SPACA6: variants seen among roughly 807,000 people sequenced by gnomAD.
SPACA6 encodes the protein sperm acrosome associated 6, also known as sperm acrosome membrane-associated protein 6.
For synonymous variants in SPACA6, 6 were observed against 1.5 expected, an observed-to-expected ratio of 4.05 and a Z score of -2.21; for missense variants, 8 against 2.8, an observed-to-expected ratio of 2.88 and a Z score of -1.34.
upstream of SPACA6, among the ~76,000 whole-genome samples, chr19:51,692,210 G>A (rs1173449479): frequency 6.6e-6 from 1 of 152,080 alleles, no homozygotes; most frequent in East Asian, 1.9e-4. The surrounding 1 kb of genome is among the most constrained non-coding windows in gnomAD (Gnocchi z 5.6). Context: ...GTGCCCAAAG[G>A]GCCAAATTAC....
chr19:51,694,076 C>CAG (rs10689461), intron 1 of SPACA6: 104,004 of 251,232 alleles, frequency 0.41, 25,665 homozygotes, highest in East Asian at 0.9. Context: ...GATGGACACT[C>CAG]GGGAGGATGG....
Position 51,698,307 on chromosome 19 carries a change from C to G in SPACA6, c.293-3351C>G, listed in dbSNP as rs576657726. Among the ~76,000 whole-genome samples the G allele has an allele frequency of 4.9e-4, 74 of 152,242 alleles. 1 individual carries two copies. Among genetic ancestry groups the G allele is most frequent in the African/African-American group, 1.6e-3 (65 of 41,548 alleles). On this transcript the variant is annotated intron_variant, in intron 2 of 8. Coordinates refer to ENST00000637797, the MANE Select transcript of SPACA6 (RefSeq NM_001316972.2). ...CGATATGCAACTCCTCTGGGGGAGA[C>G]TTTACAACACCCACCCATGCCGCCT... is the stretch of plus-strand genomic sequence containing the variant.
upstream of SPACA6, chr19:51,688,260 C>G (rs1397780783): frequency 6.5e-6 from 1 of 152,772 alleles, no homozygotes; most frequent in Non-Finnish European, 1.5e-5. Flanking sequence ...CTCCCAGCAC[C>G]TCCTTGGTTT....
chr19:51,690,253 C>A (rs1211031878), upstream of SPACA6, among the ~76,000 whole-genome samples: 1 of 151,708 alleles, frequency 6.6e-6, no homozygotes, highest in Non-Finnish European at 1.5e-5. Context: ...GGAGTCTGAG[C>A]CCCCAGTCTG....
chr19:51,700,580 C>T (rs963727461), intron 2 of SPACA6, among the ~76,000 whole-genome samples: 22 of 152,160 alleles, frequency 1.4e-4, no homozygotes, highest in African/African-American at 4.3e-4. Flanking sequence ...CATAGGCCAC[C>T]AGCTGGGGTC....
At chr19:51,684,697 T>C (rs543831095), upstream of SPACA6, among the ~76,000 whole-genome samples, 4 of 152,224 alleles carry the variant, frequency 2.6e-5, no homozygotes, top group East Asian at 5.8e-4. Context: ...ACACTAATGA[T>C]AGCTGATGAG....
At chr19:51,694,013 A>T (rs1228771540) in intron 1 of SPACA6, 5 of 299,758 alleles carry the variant, frequency 1.7e-5, no homozygotes, top group Middle Eastern at 8.4e-4. Context: ...AGAGAGGAAG[A>T]TGGAGACTCG....
intron 2 of SPACA6, among the ~76,000 whole-genome samples, chr19:51,695,253 G>A (rs1188977969): frequency 1.3e-5 from 2 of 152,192 alleles, no homozygotes; most frequent in Admixed American, 6.5e-5. Flanking sequence ...GTGGCTGTGC[G>A]AAGAGACCTC....
At chr19:51,709,204 T>G (rs1238532561), downstream of SPACA6, among the ~76,000 whole-genome samples, 13 of 122,422 alleles carry the variant, frequency 1.1e-4, no homozygotes, top group East Asian at 4.7e-4. Context: ...GGCTACAGAG[T>G]GAGAACCTGA....
At chr19:51,687,521 A>G (rs1343371573), upstream of SPACA6, 2 of 151,532 alleles carry the variant, frequency 1.3e-5, no homozygotes, top group Non-Finnish European at 2.9e-5. Flanking sequence ...GTGCAGAATA[A>G]TGTGATCCTA....
At chr19:51,702,824 G>A in intron 4 of SPACA6, 172 bp downstream of exon 4, 2 of 398,520 alleles carry the variant, frequency 5.0e-6, no homozygotes, top group East Asian at 7.1e-5. Context: ...CAGAAGGTGT[G>A]TGTGAGAGCC....
chr19:51,701,941 G>A lies in SPACA6; in HGVS notation c.361+215G>A, dbSNP rs1384471855. On this transcript the variant is annotated intron_variant, in intron 3 of 8. Transcript: ENST00000637797. ...ACTAAAATTAGCTGGGCGTGGTAAC[G>A]CATGCTTGTAATCTCATCTACTCAG... Among the ~76,000 whole-genome samples the A allele has an allele frequency of 2.6e-5, 4 of 152,142 alleles. No individual in the cohort carries two copies. The East Asian group carries it at 7.7e-4, about 29-fold the overall frequency.
At chr19:51,710,000 C>T (rs2083534802), downstream of SPACA6, among the ~76,000 whole-genome samples, 1 of 152,146 alleles carries the variant, frequency 6.6e-6, no homozygotes, top group Admixed American at 6.5e-5. Flanking sequence ...CCACGTGTGG[C>T]CGTGAAGCAT....
rs949730005 is a variant in SPACA6, at chr19:51,693,631, T to C, written c.105T>C (p.Ser35=). The C allele has an allele frequency of 2.4e-6, 1 of 419,204 alleles. No individual in the cohort carries two copies. The highest frequency in any genetic ancestry group is 2.0e-5 in the African/African-American group (1 of 49,894). 26.0% of individuals were successfully genotyped at this position (419,204 alleles called of 1,614,324 possible). The change falls in exon 1 of 9, where the codon TCT becomes TCC. Residue 35 remains serine (S), a synonymous_variant. Coordinates refer to ENST00000637797, the MANE Select transcript of SPACA6 (RefSeq NM_001316972.2). ...WACLLCFTTY[S]ERLRICQMFV... Reference sequence around the variant, plus strand: ...GTCTCCTCTGCTTCACAACCTACTCTGAGCGCCTCCGCATCTGCCAGATGT... The same window carrying C: ...GTCTCCTCTGCTTCACAACCTACTCCGAGCGCCTCCGCATCTGCCAGATGT...
upstream of SPACA6, chr19:51,685,617 T>G (rs974583837): frequency 1.3e-5 from 2 of 152,128 alleles, no homozygotes; most frequent in African/African-American, 4.8e-5. Context: ...GCTTAAGCAA[T>G]CCTCCCACCT....
chr19:51,683,945 AC>A, the SPACA6 span, among the ~76,000 whole-genome samples: 20,034 of 152,250 alleles, frequency 0.13, 1,431 homozygotes, highest in African/African-American at 0.17. Context: ...AGAAACTAAA[AC>A]AATATATATG....
At chr19:51,709,057 C>T (rs1003297163), downstream of SPACA6, among the ~76,000 whole-genome samples, 8 of 151,910 alleles carry the variant, frequency 5.3e-5, no homozygotes, top group African/African-American at 7.3e-5. Context: ...AAAGTCTAGA[C>T]TTACCTCTGT....
At chr19:51,687,504 A>AAC (rs2083334075), upstream of SPACA6, 1 of 151,426 alleles carries the variant, frequency 6.6e-6, no homozygotes, top group Admixed American at 6.6e-5. Flanking sequence ...AAAAAAAAAA[A>AAC]ACCAAGGTGC....
At chr19:51,684,135 G>T (rs891200678), upstream of SPACA6, among the ~76,000 whole-genome samples, 1 of 152,042 alleles carries the variant, frequency 6.6e-6, no homozygotes, top group Non-Finnish European at 1.5e-5. Flanking sequence ...GGTTTTTTTG[G>T]GGGGAGAAGG....
Sources: gnomAD v4.1 joint callset for allele counts (sites outside exome capture counted in the v4.1 genomes callset) on GRCh38, gnomAD v4.1.1 for gene constraint, Gnocchi (gnomAD v3.1) non-coding constraint, MANE v1.5 for transcripts, NCBI Gene and HGNC (gene_info 2026-07-23, HGNC 2026-07-21) for gene names.